Variants in GFPT1 observed in about 807,000 individuals in gnomAD.
The protein encoded by GFPT1 is glutamine--fructose-6-phosphate aminotransferase [isomerizing] 1.
Under a neutral mutation model 92.0 loss-of-function variants are expected in GFPT1, and 40 were observed. The observed-to-expected ratio is 0.43, with a 90% confidence interval of 0.34 to 0.57. The LOEUF is 0.57. GFPT1 is among the 20% of genes least tolerant of loss of function. The probability of loss-of-function intolerance (pLI) is 0.02; values close to 1 mark genes in which losing one functional copy is unlikely to be tolerated. For synonymous variants in GFPT1, 269 were observed against 280.6 expected (o/e 0.96, Z 0.41); for missense variants, 448 against 869.1 (o/e 0.52, Z 6.09).
At chr2:69,340,625 G>A (rs1442274875) in intron 13 of GFPT1, among the ~76,000 whole-genome samples, 1 of 151,714 alleles carries the variant, frequency 6.6e-6, no homozygotes, top group South Asian at 2.1e-4. Flanking sequence ...AGTGTAGTCA[G>A]TTATTCAGGA....
chr2:69,341,711 A>T (rs919850462), intron 13 of GFPT1, among the ~76,000 whole-genome samples: 9 of 145,354 alleles, frequency 6.2e-5, no homozygotes, highest in South Asian at 2.1e-4. Flanking sequence ...AATCTGATTT[A>T]AAAAAAAAAG....
Position 69,387,132 on chromosome 2 carries a change from AC to A in GFPT1, c.-62del, listed in dbSNP as rs1305923821. The stretch of plus-strand genomic sequence containing the variant: ...GTGGCTGGCGGGATCGGGGGTGCAC[AC>A]ACGAGCTTCGGTGGGCAATCTGCGG... On this transcript the variant is annotated 5_prime_UTR_variant, in exon 1 of 20. Coordinates refer to ENST00000357308, the MANE Select transcript of GFPT1 (RefSeq NM_001244710.2). The A allele has an allele frequency of 6.7e-7, 1 of 1,499,946 alleles. No individual in the cohort carries two copies. The highest frequency in any genetic ancestry group is 1.5e-5 in the African/African-American group (1 of 68,832). The allele number at this position is 1,499,946 out of a possible 1,614,324, so 92.9% of individuals were successfully genotyped here.
At position 69,319,936 on chromosome 2, in the gene GFPT1, T is replaced by A. The variant is rs1345396707; in HGVS notation, c.*6253A>T. 1 of 152,178 alleles carries A rather than the reference T, an allele frequency of 6.6e-6. No homozygotes were observed. Among genetic ancestry groups the A allele is most frequent in the Non-Finnish European group, 1.5e-5 (1 of 68,042 alleles). 9.4% of individuals were successfully genotyped at this position (152,178 alleles called of 1,614,324 possible). A position where few individuals can be genotyped will look rare whatever the true frequency, so the allele number is the denominator to read the frequency against. ...ATTAGAGTGGCTAGACACATTCAAG[T>A]CTAGCAGAAAGAAACTTGAAATTTA... On this transcript the variant is annotated 3_prime_UTR_variant, in exon 20 of 20. Transcript: ENST00000357308.
Position 69,355,983 on chromosome 2 carries a change from CTTTTTTTTT to C in GFPT1, c.605+504_605+512del, listed in dbSNP as rs1157501841. Among the ~76,000 whole-genome samples, 67 of 75,616 alleles carry C rather than the reference CTTTTTTTTT, an allele frequency of 8.9e-4. 1 individual carries two copies. Among genetic ancestry groups the C allele is most frequent in the African/African-American group, 3.5e-3 (57 of 16,366 alleles). 49.6% of individuals were successfully genotyped at this position (75,616 alleles called of 152,430 possible). ...TTAAATGCCAAAATATATTTGCTTT[CTTTTTTTTT>C]TTTTTTTTTTTTTTTTTCAGACAGA... On this transcript the variant is annotated intron_variant, in intron 7 of 19. Transcript: ENST00000357308.
At chr2:69,331,845 G>A (rs1267018245) in intron 15 of GFPT1, among the ~76,000 whole-genome samples, 2 of 151,578 alleles carry the variant, frequency 1.3e-5, no homozygotes, top group African/African-American at 4.8e-5. Flanking sequence ...TGAATAAAAC[G>A]TATTCAATAC....
chr2:69,357,535 G>C (rs539182558), intron 6 of GFPT1, among the ~76,000 whole-genome samples: 1 of 152,164 alleles, frequency 6.6e-6, no homozygotes, highest in Non-Finnish European at 1.5e-5. Flanking sequence ...ACTCTGCCTT[G>C]GGGAAAGGGA....
At position 69,338,431 on chromosome 2, in the gene GFPT1, TA is replaced by T. The variant is rs113734896; in HGVS notation, c.1324+13del. 237,629 of 1,606,626 alleles carry T rather than the reference TA, an allele frequency of 0.15. 18,915 individuals are homozygous for T. Among genetic ancestry groups the T allele is most frequent in the Non-Finnish European group, 0.16 (191,775 of 1,173,356 alleles). ...ATAACTTTCCTTCCTTTTAAGTCTT[TA>T]AAATTAACACACCTGATTGACTAAG... is the stretch of plus-strand genomic sequence containing the variant. On this transcript the variant is annotated intron_variant, in intron 14 of 19. Coordinates refer to ENST00000357308, the MANE Select transcript of GFPT1 (RefSeq NM_001244710.2).
chr2:69,372,766 C>T (rs774451636), intron 2 of GFPT1, among the ~76,000 whole-genome samples: 1 of 152,026 alleles, frequency 6.6e-6, no homozygotes, highest in South Asian at 2.1e-4. Flanking sequence ...TAAGGAAAGT[C>T]AAGGAAGACA....
intron 6 of GFPT1, among the ~76,000 whole-genome samples, chr2:69,357,943 T>G (rs1253902588): frequency 6.6e-6 from 1 of 152,200 alleles, no homozygotes; most frequent in Non-Finnish European, 1.5e-5. Context: ...AAGCTACTAT[T>G]GTGCTAAGTT....
intron 3 of GFPT1, 33 bp from the exon 4 acceptor site, chr2:69,363,703 A>G: frequency 5.5e-6 from 8 of 1,465,088 alleles, no homozygotes; most frequent in Non-Finnish European, 7.7e-6. Flanking sequence ...TTTCAATATT[A>G]AATCATGCTG....
chr2:69,355,805 A>G (rs1037465706), intron 7 of GFPT1, among the ~76,000 whole-genome samples: 1 of 152,146 alleles, frequency 6.6e-6, no homozygotes, highest in African/African-American at 2.4e-5. Context: ...ATATCCTAGC[A>G]AGAAGTAGTG....
Position 69,322,864 on chromosome 2 carries a change from A to C in GFPT1, c.*3325T>G, listed in dbSNP as rs1049014918. 1.3e-5 allele frequency: 2 copies of C among 152,212 alleles called. No individual in the cohort carries two copies. Among genetic ancestry groups the C allele is most frequent in the African/African-American group, 4.8e-5 (2 of 41,466 alleles). 9.4% of individuals were successfully genotyped at this position (152,212 alleles called of 1,614,324 possible). A position where few individuals can be genotyped will look rare whatever the true frequency, so the allele number is the denominator to read the frequency against. ...ACATGGACCATTATTCAAGTAGACAAAATCACTCACTGACAGCACTTTAAC... is the reference window on the plus strand; with the variant it reads ...ACATGGACCATTATTCAAGTAGACACAATCACTCACTGACAGCACTTTAAC... On this transcript the variant is annotated 3_prime_UTR_variant, in exon 20 of 20. Coordinates refer to ENST00000357308, the MANE Select transcript of GFPT1 (RefSeq NM_001244710.2).
intron 13 of GFPT1, among the ~76,000 whole-genome samples, chr2:69,341,724 GACT>G (rs931270725): frequency 6.6e-6 from 1 of 151,942 alleles, no homozygotes. Flanking sequence ...AAAAAAAGCA[GACT>G]ACCTTTCTTT....
At position 69,343,598 on chromosome 2, in the gene GFPT1, G is replaced by A. The variant is rs182905663; in HGVS notation, c.1106-1349C>T. Among the ~76,000 whole-genome samples the A allele has an allele frequency of 2.6e-3, 388 of 151,452 alleles. 8 individuals carry two copies. The South Asian group carries it at 0.047, about 18-fold the overall frequency. ...AGCTAATTTTTTTCTATTTTTAGTA[G>A]AGAGGGTTTCACCATGTTGGCTAGG... On this transcript the variant is annotated intron_variant, in intron 12 of 19. Coordinates refer to ENST00000357308, the MANE Select transcript of GFPT1 (RefSeq NM_001244710.2).
rs10198150 is a variant in GFPT1, at chr2:69,323,879, T to C, written c.*2310A>G. ...TTAGTAAAGACGGGGTTTCACCATGTTGGCCAGGATGGTCTCGATCTCTTG... is the reference window on the plus strand; with the variant it reads ...TTAGTAAAGACGGGGTTTCACCATGCTGGCCAGGATGGTCTCGATCTCTTG... On this transcript the variant is annotated 3_prime_UTR_variant, in exon 20 of 20. Transcript: ENST00000357308. 0.65 allele frequency: 98,101 copies of C among 151,978 alleles called. 32,819 individuals are homozygous for C. The highest frequency in any genetic ancestry group is 0.83 in the African/African-American group (34,330 of 41,424). The allele number at this position is 151,978 out of a possible 1,614,324, so 9.4% of individuals were successfully genotyped here. A position where few individuals can be genotyped will look rare whatever the true frequency, so the allele number is the denominator to read the frequency against.
chr2:69,325,999 A>G lies in GFPT1; in HGVS notation c.*190T>C, dbSNP rs1005760133. 15 of 559,834 alleles carry G rather than the reference A, an allele frequency of 2.7e-5. No homozygotes were observed. Among genetic ancestry groups the G allele is most frequent in the Non-Finnish European group, 4.7e-5 (15 of 317,522 alleles). 34.7% of individuals were successfully genotyped at this position (559,834 alleles called of 1,614,324 possible). A position where few individuals can be genotyped will look rare whatever the true frequency, so the allele number is the denominator to read the frequency against. Reference sequence around the variant, plus strand: ...TTCCATTATTCAAAGTCCTCCACAAATTACTGGGAAAATGTAAGAGGTAAC... The same window carrying G: ...TTCCATTATTCAAAGTCCTCCACAAGTTACTGGGAAAATGTAAGAGGTAAC... On this transcript the variant is annotated 3_prime_UTR_variant, in exon 20 of 20. Transcript: ENST00000357308.
intron 2 of GFPT1, 61 bp from the exon 3 acceptor site, chr2:69,370,169 T>C (rs1174255002): frequency 3.2e-6 from 3 of 941,310 alleles, no homozygotes; most frequent in Non-Finnish European, 3.5e-6. Context: ...AAATTATTAA[T>C]GTGAGGCAAA....
At chr2:69,355,877 A>G (rs1317119456) in intron 7 of GFPT1, among the ~76,000 whole-genome samples, 1 of 152,144 alleles carries the variant, frequency 6.6e-6, no homozygotes, top group East Asian at 1.9e-4. Flanking sequence ...GAAAAAGCTA[A>G]TATTTTAACT....
In GFPT1 at chr2:69,346,967, C is replaced by T. The variant is rs145688905; in HGVS notation, c.1010-968G>A. Among the ~76,000 whole-genome samples the T allele has an allele frequency of 2.3e-3, 348 of 151,962 alleles. 1 individual carries two copies. Among genetic ancestry groups the T allele is most frequent in the African/African-American group, 7.9e-3 (329 of 41,462 alleles). On this transcript the variant is annotated intron_variant, in intron 11 of 19. Transcript: ENST00000357308. ...CTCTGTCGCCCAGGCTGGAGTGCAG[C>T]GGCACGATCTCACCTCACTGCAACC...
Sources: gnomAD v4.1 joint callset for allele counts (sites outside exome capture counted in the v4.1 genomes callset) on GRCh38, gnomAD v4.1.1 for gene constraint, MANE v1.5 for transcripts, NCBI Gene and HGNC (gene_info 2026-07-23, HGNC 2026-07-21) for gene names.